The following CDH13 variants were observed in gnomAD, a reference collection of about 807,000 sequenced individuals.
CDH13 encodes cadherin 13, also known as cadherin-13.
CDH13 carries 24 observed loss-of-function variants against 63.8 expected under a neutral mutation model. The ratio of observed to expected loss-of-function variants is 0.38; its 90% confidence interval spans 0.27 to 0.53. CDH13 has a LOEUF of 0.53. CDH13 is among the 20% of genes least tolerant of loss of function. The pLI is 0.85. For synonymous variants in CDH13, 503 were observed against 355.3 expected (o/e 1.42, Z -4.67); for missense variants, 1,049 against 903.1 (o/e 1.16, Z -2.07).
intron 7 of CDH13, among the ~76,000 whole-genome samples, chr16:83,506,115 T>A (rs2074388624): frequency 6.6e-6 from 1 of 152,088 alleles, no homozygotes; most frequent in Non-Finnish European, 1.5e-5. Flanking sequence ...GGATTTGAAG[T>A]TGTTCCAGTC....
chr16:83,472,100 A>G (rs2073469038), intron 6 of CDH13, among the ~76,000 whole-genome samples: 1 of 152,128 alleles, frequency 6.6e-6, no homozygotes, highest in Admixed American at 6.5e-5. Context: ...GCTGAATGTT[A>G]CATGTAGTCA....
rs1917903835 is a variant in CDH13 at position 83,047,448 on chromosome 16, C to G, written c.366+15230C>G. ...AGTCTGTAAGAGCGTGACCACCAGT[C>G]TTATTTACCTTGTTATCTGTAATTT... On this transcript the variant is annotated intron_variant, in intron 3 of 13. Coordinates refer to ENST00000567109, the MANE Select transcript of CDH13 (RefSeq NM_001257.5). This position sits in a 1 kb window ranked among gnomAD's most constrained non-coding sequence, Gnocchi z 4.9. Among the ~76,000 whole-genome samples, 1 of 152,110 alleles carries G rather than the reference C, an allele frequency of 6.6e-6. No homozygotes were observed. Among genetic ancestry groups the G allele is most frequent in the African/African-American group, 2.4e-5 (1 of 41,410 alleles).
intron 5 of CDH13, among the ~76,000 whole-genome samples, chr16:83,241,906 T>A (rs1904490394): frequency 6.6e-6 from 1 of 152,222 alleles, no homozygotes; most frequent in Non-Finnish European, 1.5e-5. Flanking sequence ...AAGAAATCAT[T>A]GTAAAATCCA....
chr16:82,799,070 T>C (rs1455700996), intron 1 of CDH13, among the ~76,000 whole-genome samples: 1 of 152,098 alleles, frequency 6.6e-6, no homozygotes, highest in African/African-American at 2.4e-5. Flanking sequence ...AACCCAGCAA[T>C]TTGTCTCTGA....
At chr16:83,334,434 C>A (rs979723684) in intron 5 of CDH13, among the ~76,000 whole-genome samples, 4 of 151,160 alleles carry the variant, frequency 2.6e-5, no homozygotes, top group African/African-American at 9.7e-5. Flanking sequence ...TGCAGTTGCA[C>A]AATCACAGCT....
intron 6 of CDH13, among the ~76,000 whole-genome samples, chr16:83,470,661 A>G (rs2073430233): frequency 6.6e-6 from 1 of 152,070 alleles, no homozygotes. Flanking sequence ...TGCTGCTCCA[A>G]ATGATAATAG....
intron 1 of CDH13, among the ~76,000 whole-genome samples, chr16:82,804,235 A>T (rs1181049330): frequency 8.3e-6 from 1 of 120,026 alleles, no homozygotes; most frequent in East Asian, 2.1e-4. Flanking sequence ...TCAAAAAAAA[A>T]AATGTGTTTA....
At chr16:82,924,491 G>A (rs2042246401) in intron 2 of CDH13, among the ~76,000 whole-genome samples, 1 of 152,200 alleles carries the variant, frequency 6.6e-6, no homozygotes, top group African/African-American at 2.4e-5. Flanking sequence ...CTCAGCTGCG[G>A]TGCATTTGTG....
At chr16:83,237,392 A>C (rs759324880) in intron 5 of CDH13, among the ~76,000 whole-genome samples, 2 of 152,234 alleles carry the variant, frequency 1.3e-5, no homozygotes, top group Non-Finnish European at 2.9e-5. Context: ...CGTACCTTAC[A>C]TCGTAGAGAA....
intron 4 of CDH13, among the ~76,000 whole-genome samples, chr16:83,138,889 G>T (rs1264101014): frequency 6.6e-6 from 1 of 152,100 alleles, no homozygotes; most frequent in Non-Finnish European, 1.5e-5. Flanking sequence ...CCATGGTGGG[G>T]GATACCAGGC....
intron 8 of CDH13, among the ~76,000 whole-genome samples, chr16:83,617,562 A>G (rs8056966): frequency 0.45 from 67,364 of 150,942 alleles, 16,405 homozygotes; most frequent in African/African-American, 0.64. Flanking sequence ...ACATATCTCA[A>G]TATGCACATA....
chr16:82,924,684 G>A (rs2042251785), intron 2 of CDH13, among the ~76,000 whole-genome samples: 2 of 152,178 alleles, frequency 1.3e-5, no homozygotes, highest in Admixed American at 6.5e-5. Flanking sequence ...AATCTGGAAT[G>A]TGAGGTTTCC....
intron 1 of CDH13, among the ~76,000 whole-genome samples, chr16:82,795,030 C>T (rs551640491): frequency 6.6e-6 from 1 of 152,182 alleles, no homozygotes; most frequent in Non-Finnish European, 1.5e-5. Flanking sequence ...GAAATGATAC[C>T]TTCCCTCCTT....
chr16:82,803,407 T>C (rs2036970288), intron 1 of CDH13, among the ~76,000 whole-genome samples: 1 of 152,216 alleles, frequency 6.6e-6, no homozygotes, highest in Admixed American at 6.5e-5. Flanking sequence ...TTTCTTAGCA[T>C]GCGAGGCTCA....
chr16:82,837,003 G>C lies in CDH13; in HGVS notation c.46-21359G>C, dbSNP rs151044678. On this transcript the variant is annotated intron_variant, in intron 1 of 13. Transcript: ENST00000567109. ...TTCACTATCAAGATTAAGAGGTGGA[G>C]CTTGAATGAGCTTTGCTGGAGCATC... Among the ~76,000 whole-genome samples, 871 of 152,332 alleles carry C rather than the reference G, an allele frequency of 5.7e-3. 10 individuals carry two copies. The highest frequency in any genetic ancestry group is 0.018 in the African/African-American group (767 of 41,570).
At chr16:83,760,090 A>G (rs1913840968) in intron 11 of CDH13, among the ~76,000 whole-genome samples, 2 of 152,248 alleles carry the variant, frequency 1.3e-5, no homozygotes, top group African/African-American at 4.8e-5. Context: ...AATTAAATAA[A>G]GATATATACA....
chr16:83,271,520 CAACAACAACAAAA>C (rs2088815771), intron 5 of CDH13, among the ~76,000 whole-genome samples: 1 of 87,162 alleles, frequency 1.1e-5, no homozygotes, highest in Non-Finnish European at 2.4e-5. Flanking sequence ...CAAAACAAAA[CAACAACAACAAAA>C]AAAAACGCTG....
intron 8 of CDH13, among the ~76,000 whole-genome samples, chr16:83,658,783 T>A (rs1304679223): frequency 7.7e-6 from 1 of 129,442 alleles, no homozygotes; most frequent in Non-Finnish European, 1.6e-5. Context: ...ACCAGCAAGG[T>A]CTCATGTCCT....
intron 5 of CDH13, among the ~76,000 whole-genome samples, chr16:83,322,517 C>T (rs147639718): frequency 1.3e-5 from 2 of 152,132 alleles, no homozygotes; most frequent in African/African-American, 4.8e-5. Flanking sequence ...ACACTAGACA[C>T]TGGGGAGACA....
Sources: gnomAD v4.1 joint callset for allele counts (sites outside exome capture counted in the v4.1 genomes callset) on GRCh38, gnomAD v4.1.1 for gene constraint, Gnocchi (gnomAD v3.1) non-coding constraint, MANE v1.5 for transcripts, NCBI Gene and HGNC (gene_info 2026-07-23, HGNC 2026-07-21) for gene names.